The following RGS8 variants were observed in gnomAD, a reference collection of about 807,000 sequenced individuals.
The protein encoded by RGS8 is regulator of G-protein signaling 8.
In RGS8, 8 loss-of-function variants were observed where a neutral mutation model predicts 21.7. The ratio of observed to expected loss-of-function variants is 0.37; its 90% CI spans 0.22 to 0.66. RGS8 has a LOEUF of 0.66. Among genes scored for constraint, RGS8 ranks in the 30% least tolerant of loss-of-function variants. The pLI is 0.59. For synonymous variants in RGS8, 80 were observed against 83.6 expected (o/e 0.96, Z 0.24); for missense variants, 157 against 217.9 (o/e 0.72, Z 1.76).
chr1:182,730,182 C>T, the RGS8 span, among the ~76,000 whole-genome samples: 1 of 152,172 alleles, frequency 6.6e-6, no homozygotes, highest in Non-Finnish European at 1.5e-5. Flanking sequence ...TCAACCCTGA[C>T]TCCACCAAGG....
At chr1:182,711,871 T>C in the RGS8 span, among the ~76,000 whole-genome samples, 1,309 of 152,302 alleles carry the variant, frequency 8.6e-3, 16 homozygotes, top group African/African-American at 0.027. Flanking sequence ...TTTTCCTCCT[T>C]TGCTTTCCAC....
chr1:182,672,053 T>A, upstream of RGS8: 1 of 476,382 alleles, frequency 2.1e-6, no homozygotes, highest in Non-Finnish European at 3.3e-6. Flanking sequence ...CTCCTCTGGC[T>A]GCAGCTCAGG....
the RGS8 span, among the ~76,000 whole-genome samples, chr1:182,700,459 G>A: frequency 6.6e-6 from 1 of 152,152 alleles, no homozygotes; most frequent in African/African-American, 2.4e-5. Flanking sequence ...CATGAGCATT[G>A]TTCTTCCTGG....
At chr1:182,720,603 CCTT>C in the RGS8 span, among the ~76,000 whole-genome samples, 9 of 152,102 alleles carry the variant, frequency 5.9e-5, no homozygotes, top group African/African-American at 2.2e-4. Flanking sequence ...CCATTAACCT[CCTT>C]CAGAAATGCA....
downstream of RGS8, chr1:182,642,372 G>T (rs1001259846): frequency 4.6e-5 from 7 of 152,414 alleles, no homozygotes; most frequent in East Asian, 1.3e-3. Context: ...GGTGGCCTGG[G>T]ATGGAAAACT....
chr1:182,708,555 G>A, the RGS8 span, among the ~76,000 whole-genome samples: 3 of 152,220 alleles, frequency 2.0e-5, no homozygotes, highest in African/African-American at 7.2e-5. Flanking sequence ...TCCACAGAAC[G>A]TGTCTTTAAG....
the RGS8 span, among the ~76,000 whole-genome samples, chr1:182,749,849 A>G: frequency 1.3e-5 from 2 of 152,104 alleles, no homozygotes; most frequent in Non-Finnish European, 2.9e-5. Flanking sequence ...TAAGCCCTAC[A>G]TGCATTAGTT....
At chr1:182,687,367 G>A (rs1404518479), upstream of RGS8, among the ~76,000 whole-genome samples, 1 of 152,228 alleles carries the variant, frequency 6.6e-6, no homozygotes, top group Non-Finnish European at 1.5e-5. Context: ...TTCCAAAGAT[G>A]CCAGTGTTGC....
the RGS8 span, among the ~76,000 whole-genome samples, chr1:182,740,969 C>A: frequency 1.3e-5 from 2 of 152,096 alleles, no homozygotes; most frequent in African/African-American, 4.8e-5. Context: ...TACACAGACA[C>A]GGCAACCATC....
At chr1:182,712,323 G>A in the RGS8 span, among the ~76,000 whole-genome samples, 1 of 152,220 alleles carries the variant, frequency 6.6e-6, no homozygotes, top group South Asian at 2.1e-4. Context: ...CTACTTGGAT[G>A]TCAATCCATG....
At chr1:182,706,786 A>T in the RGS8 span, among the ~76,000 whole-genome samples, 8 of 152,210 alleles carry the variant, frequency 5.3e-5, no homozygotes, top group Non-Finnish European at 1.2e-4. Flanking sequence ...TAACTCTTAA[A>T]ATCAATGTGG....
the RGS8 span, chr1:182,714,316 G>A: frequency 6.6e-6 from 1 of 152,142 alleles, no homozygotes; most frequent in South Asian, 2.1e-4. Flanking sequence ...CCATTAGGCT[G>A]TAAGATCCAC....
At chr1:182,686,312 A>C (rs1247975904), upstream of RGS8, among the ~76,000 whole-genome samples, 1 of 152,010 alleles carries the variant, frequency 6.6e-6, no homozygotes, top group Non-Finnish European at 1.5e-5. Context: ...GTGTTGATCG[A>C]ATTTTTTTTT....
chr1:182,745,644 C>A, the RGS8 span, among the ~76,000 whole-genome samples: 2 of 152,248 alleles, frequency 1.3e-5, no homozygotes, highest in African/African-American at 4.8e-5. Flanking sequence ...TCTTCTCCAA[C>A]AATCATTGTT....
At chr1:182,720,148 A>T in the RGS8 span, among the ~76,000 whole-genome samples, 1 of 152,228 alleles carries the variant, frequency 6.6e-6, no homozygotes. Flanking sequence ...TGAAGATTTT[A>T]AAAAGTCTTC....
the RGS8 span, among the ~76,000 whole-genome samples, chr1:182,706,283 C>T: frequency 6.6e-6 from 1 of 152,124 alleles, no homozygotes; most frequent in African/African-American, 2.4e-5. Flanking sequence ...ACCACCACAC[C>T]TGGCCTGGAG....
chr1:182,697,830 C>A, the RGS8 span, among the ~76,000 whole-genome samples: 8 of 152,180 alleles, frequency 5.3e-5, no homozygotes, highest in African/African-American at 1.9e-4. Context: ...ATTCGTCTTT[C>A]AATTGATAGA....
chr1:182,659,570 G>A (rs1234493367), intron 5 of RGS8, among the ~76,000 whole-genome samples: 1 of 152,072 alleles, frequency 6.6e-6, no homozygotes, highest in East Asian at 1.9e-4. Context: ...ATGGTGGCAG[G>A]CGCTTCTAAT....
At chr1:182,738,378 G>T in the RGS8 span, among the ~76,000 whole-genome samples, 1 of 152,154 alleles carries the variant, frequency 6.6e-6, no homozygotes, top group Non-Finnish European at 1.5e-5. Flanking sequence ...ATTTAGTTCA[G>T]TATCTGGCAT....
Sources: gnomAD v4.1 joint callset for allele counts (sites outside exome capture counted in the v4.1 genomes callset) on GRCh38, gnomAD v4.1.1 for gene constraint, MANE v1.5 for transcripts, NCBI Gene and HGNC (gene_info 2026-07-23, HGNC 2026-07-21) for gene names.